The following BTN3A1 variants were observed in gnomAD, a reference collection of about 807,000 sequenced individuals.
The protein encoded by BTN3A1 is butyrophilin subfamily 3 member A1.
In BTN3A1, 24 loss-of-function variants were observed where a neutral mutation model predicts 43.0. The ratio of observed to expected loss-of-function variants is 0.56; its 90% CI spans 0.40 to 0.78. BTN3A1 has a LOEUF of 0.78. Among genes scored for constraint, BTN3A1 ranks in the 30% least tolerant of loss-of-function variants. BTN3A1 has a pLI of 0.00. For missense variants in BTN3A1, 533 were observed against 626.2 expected (o/e 0.85, Z 1.59); for synonymous variants, 181 against 234.7 (o/e 0.77, Z 2.09).
At chr6:26,410,116 G>T in intron 7 of BTN3A1, 84 bp downstream of exon 7, 3 of 1,570,902 alleles carry the variant, frequency 1.9e-6, no homozygotes, top group Non-Finnish European at 1.8e-6. Flanking sequence ...CTTTCCCCAA[G>T]GTTGGGAAGT....
Position 26,413,580 on chromosome 6 carries a change from TG to T in BTN3A1, c.1432del (p.Asp478MetfsTer24). 1 of 1,614,196 alleles carries T rather than the reference TG, an allele frequency of 6.2e-7. No homozygotes were observed. ...GGAGATATCTCATTCTACAATGCTG[TG>T]GATGGATCGCATATTCATACTTTCC... ...ETGDISFYNAVDGSHIHTFLD... is the reference protein window; with the variant it reads ...ETGDISFYNAXDGSHIHTFLD... On this transcript the variant is annotated frameshift_variant, in exon 10 of 10. Transcript: ENST00000289361. LOFTEE classifies it low-confidence loss of function (END_TRUNC).
chr6:26,408,244 C>CAT (rs146863150), intron 4 of BTN3A1, among the ~76,000 whole-genome samples: 4,934 of 150,174 alleles, frequency 0.033, 107 homozygotes, highest in South Asian at 0.099. Context: ...AAGGGGAAAG[C>CAT]ATATATATAT....
rs769826029 is a variant in BTN3A1, at chr6:26,409,731, G to A, written c.914G>A (p.Arg305Lys). ...WSTMKQEQST[R>K]VKLLEELRWR... ...ACAATGAAGCAAGAACAAAGCACAA[G>A]AGGTAGCTGACCTTGGGAGTTTATC... The change falls in exon 5 of 10, where the codon AGA (arginine) becomes AAA (lysine). Residue 305 changes from arginine to lysine, a missense_variant and splice_region_variant. By Grantham distance (26) the Arg-to-Lys change is conservative (BLOSUM62 2). Transcript: ENST00000289361. 4 of 1,571,764 alleles carry A rather than the reference G, an allele frequency of 2.5e-6. No homozygotes were observed. In the Admixed American group the frequency reaches 5.6e-5, roughly 22 times the overall value.
intron 7 of BTN3A1, among the ~76,000 whole-genome samples, 193 bp from the exon 8 acceptor site, chr6:26,410,916 G>A (rs1298573127): frequency 6.9e-5 from 10 of 145,886 alleles, no homozygotes; most frequent in African/African-American, 2.5e-4. Flanking sequence ...CATGTCACTA[G>A]CATTCGACTG....
At position 26,413,252 on chromosome 6, in the gene BTN3A1, C is replaced by G; in HGVS notation, c.1102C>G (p.Pro368Ala). Residue 368 changes from proline (P) to alanine (A), a missense_variant, in exon 10 of 10, where the codon CCC (proline) becomes GCC (alanine). Physicochemically the swap from Pro to Ala is conservative, Grantham distance 27. Coordinates refer to ENST00000289361, the MANE Select transcript of BTN3A1 (RefSeq NM_007048.6). ...GAGGAGTGTGCAGCGTGCCAAGGAGCCCCAGGATCTGCCAGACAACCCTGA... is the reference window on the plus strand; with the variant it reads ...GAGGAGTGTGCAGCGTGCCAAGGAGGCCCAGGATCTGCCAGACAACCCTGA... ...DQRSVQRAKE[P>A]QDLPDNPERF... 2 of 1,614,144 alleles carry G rather than the reference C, an allele frequency of 1.2e-6. No individual in the cohort carries two copies. The highest frequency in any genetic ancestry group is 8.5e-7 in the Non-Finnish European group (1 of 1,180,022).
At chr6:26,410,573 G>A (rs966321706) in intron 7 of BTN3A1, among the ~76,000 whole-genome samples, 1 of 151,906 alleles carries the variant, frequency 6.6e-6, no homozygotes, top group Non-Finnish European at 1.5e-5. Context: ...CTGAACAGTC[G>A]CTCAGTTGGT....
At chr6:26,408,545 C>CT (rs1762098382) in intron 4 of BTN3A1, among the ~76,000 whole-genome samples, 1 of 152,202 alleles carries the variant, frequency 6.6e-6, no homozygotes, top group Admixed American at 6.5e-5. Context: ...TTTTGGTGTG[C>CT]ATTAGCACAA....
At chr6:26,411,760 G>A (rs1438445105) in intron 9 of BTN3A1, 179 bp downstream of exon 9, 2 of 712,842 alleles carry the variant, frequency 2.8e-6, no homozygotes, top group African/African-American at 1.8e-5. Flanking sequence ...GACCCTTTCT[G>A]CTGAGAGCCC....
At chr6:26,410,728 TATATATACACATATATAC>T (rs1412118687) in intron 7 of BTN3A1, among the ~76,000 whole-genome samples, 8 of 150,756 alleles carry the variant, frequency 5.3e-5, no homozygotes, top group South Asian at 4.2e-4. Flanking sequence ...CATTTAAATA[TATATATACACATATATAC>T]ATATATACAC....
chr6:26,412,917 G>A (rs767831301), intron 9 of BTN3A1: 85 of 1,477,082 alleles, frequency 5.8e-5, no homozygotes, highest in Non-Finnish European at 6.7e-5. Context: ...CTGAGGCCGC[G>A]TCAGGGTATT....
At position 26,405,665 on chromosome 6, in the gene BTN3A1, C is replaced by T. The variant is rs762189203; in HGVS notation, c.85+17C>T. 95 of 1,613,192 alleles carry T rather than the reference C, an allele frequency of 5.9e-5. No homozygotes were observed. Among genetic ancestry groups the T allele is most frequent in the African/African-American group, 8.0e-5 (6 of 74,894 alleles). On this transcript the variant is annotated intron_variant, in intron 2 of 9. Transcript: ENST00000289361. ...CTCACTCAGGTAGGGAACAATTCCA[C>T]GCTTGTTTCTGAAGCAGACAATTAC...
chr6:26,407,917 T>A lies in BTN3A1; in HGVS notation c.680T>A (p.Leu227His), dbSNP rs144114619. The change falls in exon 4 of 10, where the codon CTC becomes CAC. Residue 227 changes from leucine (L) to histidine (H), a missense_variant. This residue lies in a region of BTN3A1 where 415 missense variants were observed against 427.0 expected (regional missense o/e 0.97). Coordinates refer to ENST00000289361, the MANE Select transcript of BTN3A1 (RefSeq NM_007048.6). The stretch of plus-strand genomic sequence containing the variant: ...TCCTGTACCATCAGAAGTTCCCTCC[T>A]CGGCCTGGAAAAGACAGCCAGCATT... The part of the protein sequence containing the change: ...GVSCTIRSSL[L>H]GLEKTASISI... The A allele has an allele frequency of 3.1e-3, 4,975 of 1,614,224 alleles. 15 individuals are homozygous for A. The highest frequency in any genetic ancestry group is 4.6e-3 in the Middle Eastern group (28 of 6,062).
chr6:26,404,619 T>A (rs546958123), intron 1 of BTN3A1: 1 of 152,318 alleles, frequency 6.6e-6, no homozygotes, highest in East Asian at 1.9e-4. Context: ...CTCTAAGCAG[T>A]CTCCTGATGG....
chr6:26,413,178 T>A lies in BTN3A1; in HGVS notation c.1028T>A (p.Ile343Asn). 1 of 1,612,020 alleles carries A rather than the reference T, an allele frequency of 6.2e-7. No homozygotes were observed. The highest frequency in any genetic ancestry group is 8.5e-7 in the Non-Finnish European group (1 of 1,178,834). The part of the protein sequence containing the change: ...KKALFKPADV[I>N]LDPKTANPIL... ...CTCAAACTCTCTGCAGCGGATGTGATTCTGGATCCAAAAACAGCAAACCCC... is the reference window on the plus strand; with the variant it reads ...CTCAAACTCTCTGCAGCGGATGTGAATCTGGATCCAAAAACAGCAAACCCC... The change falls in exon 10 of 10, where the codon ATT becomes AAT. Residue 343 changes from isoleucine (I) to asparagine (N), a missense_variant. Physicochemically the swap from Ile to Asn is moderately radical, Grantham distance 149 (BLOSUM62 -3). Around this residue, in one of 4 missense-constraint regions of BTN3A1, gnomAD observed 415 missense variants for 427.0 expected, o/e 0.97. Transcript: ENST00000289361.
intron 9 of BTN3A1, chr6:26,412,769 T>A (rs1762262597): frequency 6.4e-7 from 1 of 1,551,328 alleles, no homozygotes; most frequent in Admixed American, 2.0e-5. Flanking sequence ...AAAAATAGAC[T>A]GCAGAAAAGG....
At chr6:26,406,399 G>A (rs1362140864) in intron 3 of BTN3A1, 143 bp downstream of exon 3, 5 of 594,058 alleles carry the variant, frequency 8.4e-6, no homozygotes, top group Non-Finnish European at 1.5e-5. Context: ...CTTCTCTGAG[G>A]CCCTTGAGTA....
In BTN3A1 at chr6:26,404,923, C is replaced by T. The variant is rs536010347; in HGVS notation, c.-192-449C>T. ...TAACCCTTATATCATGGGCCTGGCCCCTTGTGGGTGCTTGGTAAATATTTG... is the reference window on the plus strand; with the variant it reads ...TAACCCTTATATCATGGGCCTGGCCTCTTGTGGGTGCTTGGTAAATATTTG... On this transcript the variant is annotated intron_variant, in intron 1 of 9. Transcript: ENST00000289361. 2.0e-5 allele frequency among the ~76,000 whole-genome samples: 3 copies of T among 152,290 alleles called. No homozygotes were observed. The South Asian group carries it at 6.2e-4, about 32-fold the overall frequency.
rs1209989396 is a variant in BTN3A1 at position 26,407,721 on chromosome 6, A to G, written c.484A>G (p.Ile162Val). The change falls in exon 4 of 10, where the codon ATC (isoleucine) becomes GTC (valine). Residue 162 changes from isoleucine (I) to valine (V), a missense_variant. Around this residue, in one of 4 missense-constraint regions of BTN3A1, gnomAD observed 415 missense variants for 427.0 expected, o/e 0.97. Coordinates refer to ENST00000289361, the MANE Select transcript of BTN3A1 (RefSeq NM_007048.6). ...VDVKGYKDGG[I>V]HLECRSTGWY... ...TGTGAAGGGTTACAAGGATGGAGGGATCCATCTGGAGTGCAGGTCCACTGG... is the reference window on the plus strand; with the variant it reads ...TGTGAAGGGTTACAAGGATGGAGGGGTCCATCTGGAGTGCAGGTCCACTGG... 6.2e-7 allele frequency: 1 copy of G among 1,614,072 alleles called. No homozygotes were observed.
In BTN3A1 at chr6:26,413,371, G is replaced by T. The variant is rs1456807437; in HGVS notation, c.1221G>T (p.Trp407Cys). 2 of 1,613,790 alleles carry T rather than the reference G, an allele frequency of 1.2e-6. No homozygotes were observed. Among genetic ancestry groups the T allele is most frequent in the Non-Finnish European group, 8.5e-7 (1 of 1,179,918 alleles). The part of the protein sequence containing the change: ...WEVEVGDRKE[W>C]HIGVCSKNVQ... Reference sequence around the variant, plus strand: ...TGGAGGTAGGGGACAGGAAAGAGTGGCATATAGGGGTGTGCAGTAAGAATG... The same window carrying T: ...TGGAGGTAGGGGACAGGAAAGAGTGTCATATAGGGGTGTGCAGTAAGAATG... Residue 407 changes from tryptophan to cysteine, a missense_variant, in exon 10 of 10, where the codon TGG becomes TGT. Physicochemically the swap from Trp to Cys is radical, Grantham distance 215. Around this residue, in one of 4 missense-constraint regions of BTN3A1, gnomAD observed 415 missense variants for 427.0 expected, o/e 0.97. Coordinates refer to ENST00000289361, the MANE Select transcript of BTN3A1 (RefSeq NM_007048.6).
Sources: allele counts gnomAD v4.1 joint callset (sites outside exome capture counted in the v4.1 genomes callset), GRCh38; gene constraint gnomAD v4.1.1; regional missense constraint gnomAD v4.1.1; transcripts MANE v1.5; gene names NCBI Gene and HGNC (gene_info 2026-07-23, HGNC 2026-07-21).